Variants in CLVS1 observed in about 807,000 individuals in gnomAD.
CLVS1 encodes clavesin-1.
CLVS1 carries 10 observed loss-of-function variants against 33.1 expected under a neutral mutation model. The ratio of observed to expected loss-of-function variants is 0.30; its 90% CI spans 0.19 to 0.51. The LOEUF is 0.51. Among genes scored for constraint, CLVS1 ranks in the 20% least tolerant of loss-of-function variants. The probability of loss-of-function intolerance (pLI) is 0.97; values close to 1 mark genes in which losing one functional copy is unlikely to be tolerated. For missense variants in CLVS1, 343 were observed against 433.4 expected, an observed-to-expected ratio of 0.79 and a Z score of 1.85; for synonymous variants, 163 against 166.1, an observed-to-expected ratio of 0.98 and a Z score of 0.14.
rs572200160 is a variant in CLVS1 at position 61,178,660 on chromosome 8, C to T, written c.-152+46800C>T. On this transcript the variant is annotated intron_variant, in intron 2 of 2. Transcript: ENST00000522621. ...TAACAGCAGATCTGTCAGCAGAAAC[C>T]CTACAAGCCAGAAGAGAGTGAGGGC... 1.3e-4 allele frequency among the ~76,000 whole-genome samples: 20 copies of T among 152,192 alleles called. No homozygotes were observed. In the South Asian group the frequency reaches 3.3e-3, roughly 25 times the overall value.
intron 3 of CLVS1, among the ~76,000 whole-genome samples, chr8:61,421,193 A>G (rs1815649543): frequency 6.6e-6 from 1 of 152,158 alleles, no homozygotes; most frequent in Non-Finnish European, 1.5e-5. Flanking sequence ...CGAACCCCTC[A>G]GAGTACTCCA....
At chr8:61,069,030 G>A (rs990867123) in intron 1 of CLVS1, among the ~76,000 whole-genome samples, 23 of 152,182 alleles carry the variant, frequency 1.5e-4, no homozygotes, top group African/African-American at 5.1e-4. Context: ...GCAGTGGCAC[G>A]ATCTCGGCTC....
chr8:61,127,762 C>G (rs902837175), intron 1 of CLVS1, among the ~76,000 whole-genome samples: 7 of 152,190 alleles, frequency 4.6e-5, no homozygotes, highest in African/African-American at 1.7e-4. Flanking sequence ...TCAAACAGCA[C>G]CCTTGCAAAG....
chr8:61,404,125 G>A (rs1256071318), intron 3 of CLVS1, among the ~76,000 whole-genome samples: 2 of 152,130 alleles, frequency 1.3e-5, no homozygotes, highest in Non-Finnish European at 2.9e-5. Flanking sequence ...GGGTGACTTA[G>A]GGCCATATTT....
chr8:61,059,674 G>T (rs1804548885), intron 1 of CLVS1, among the ~76,000 whole-genome samples: 1 of 151,064 alleles, frequency 6.6e-6, no homozygotes, highest in South Asian at 2.1e-4. Flanking sequence ...AGCCGGATGT[G>T]GTGACGTGTG....
At chr8:61,456,885 T>G (rs1239371316) in intron 4 of CLVS1, among the ~76,000 whole-genome samples, 1 of 146,180 alleles carries the variant, frequency 6.8e-6, no homozygotes, top group East Asian at 2.0e-4. Context: ...ACCACTGCAC[T>G]CCAGCTTGGG....
intron 2 of CLVS1, among the ~76,000 whole-genome samples, chr8:61,189,216 A>T (rs1807408947): frequency 6.6e-6 from 1 of 152,216 alleles, no homozygotes; most frequent in East Asian, 1.9e-4. Flanking sequence ...GGGGGCCAAT[A>T]TTCAACATTC....
chr8:61,076,563 T>TATGA (rs1162516789), intron 1 of CLVS1, among the ~76,000 whole-genome samples: 1 of 152,260 alleles, frequency 6.6e-6, no homozygotes, highest in Non-Finnish European at 1.5e-5. Flanking sequence ...CCATTTCTAT[T>TATGA]ATGATATAAT....
chr8:61,297,994 A>G (rs1810280407), intron 1 of CLVS1, among the ~76,000 whole-genome samples: 1 of 152,042 alleles, frequency 6.6e-6, no homozygotes, highest in South Asian at 2.1e-4. Context: ...TTTGCTTGGA[A>G]CCTGTTGTTC....
At chr8:61,170,295 T>G (rs1174080073) in intron 2 of CLVS1, among the ~76,000 whole-genome samples, 2 of 152,164 alleles carry the variant, frequency 1.3e-5, no homozygotes, top group East Asian at 3.8e-4. Flanking sequence ...AGCTTGTGTC[T>G]ATCTGTCTGT....
chr8:61,273,628 C>G (rs2919309), intron 2 of CLVS1, among the ~76,000 whole-genome samples: 40,297 of 152,110 alleles, frequency 0.26, 6,502 homozygotes, highest in Non-Finnish European at 0.34. Flanking sequence ...GACTGCTGTG[C>G]TAGCAATCAG....
intron 2 of CLVS1, among the ~76,000 whole-genome samples, chr8:61,341,147 T>C (rs1812016428): frequency 6.6e-6 from 1 of 152,138 alleles, no homozygotes; most frequent in Admixed American, 6.5e-5. Context: ...ATAGAAAATA[T>C]CTCCTTTTTG....
At chr8:61,369,537 C>T (rs569382194) in intron 2 of CLVS1, among the ~76,000 whole-genome samples, 128 of 152,298 alleles carry the variant, frequency 8.4e-4, no homozygotes, top group Middle Eastern at 3.4e-3. Context: ...AAAATTTGCA[C>T]ACTCCCTATT....
At chr8:61,314,706 T>G (rs1045362544) in intron 2 of CLVS1, among the ~76,000 whole-genome samples, 19 of 152,236 alleles carry the variant, frequency 1.2e-4, no homozygotes, top group African/African-American at 4.6e-4. Flanking sequence ...TGAAGAGCTC[T>G]GTTCCCAGCT....
chr8:61,470,513 T>C (rs1817694969), intron 5 of CLVS1, among the ~76,000 whole-genome samples: 1 of 152,222 alleles, frequency 6.6e-6, no homozygotes, highest in Non-Finnish European at 1.5e-5. Context: ...TCAGATGCAA[T>C]TATTTGGAAA....
chr8:61,405,840 T>A (rs1438904028), intron 3 of CLVS1, among the ~76,000 whole-genome samples: 1 of 151,802 alleles, frequency 6.6e-6, no homozygotes, highest in Non-Finnish European at 1.5e-5. Flanking sequence ...GATAACTCAA[T>A]ATCATTATGA....
rs763377076 is a variant in CLVS1 at position 61,122,850 on chromosome 8, C to A, written c.-242-8920C>A. Among the ~76,000 whole-genome samples the A allele has an allele frequency of 3.9e-5, 4 of 103,642 alleles. 1 individual carries two copies. Among genetic ancestry groups the A allele is most frequent in the Admixed American group, 2.6e-4 (2 of 7,626 alleles). The allele number at this position is 103,642 out of a possible 152,430, so 68.0% of individuals were successfully genotyped here. On this transcript the variant is annotated intron_variant, in intron 1 of 2. Transcript: ENST00000522621. ...GCTGAAAAAGGACACTCAACTCTGACGGCTTCAAGTACAGAAAATGTGATT... is the reference window on the plus strand; with the variant it reads ...GCTGAAAAAGGACACTCAACTCTGAAGGCTTCAAGTACAGAAAATGTGATT...
intron 1 of CLVS1, among the ~76,000 whole-genome samples, chr8:61,094,609 C>T (rs1805315527): frequency 1.3e-5 from 2 of 152,088 alleles, no homozygotes; most frequent in African/African-American, 4.8e-5. Context: ...TATTTAAAGA[C>T]AGTCTTTAAG....
chr8:61,441,910 T>C (rs1585979616), intron 3 of CLVS1, among the ~76,000 whole-genome samples: 1 of 152,340 alleles, frequency 6.6e-6, no homozygotes, highest in East Asian at 1.9e-4. Context: ...TGAGACTGAA[T>C]GTACTGAAAT....
Sources: allele counts gnomAD v4.1 joint callset (sites outside exome capture counted in the v4.1 genomes callset), GRCh38; gene constraint gnomAD v4.1.1; transcripts MANE v1.5; gene names NCBI Gene and HGNC (gene_info 2026-07-23, HGNC 2026-07-21).